Variants in DGKB observed in about 807,000 individuals in gnomAD.
The protein encoded by DGKB is diacylglycerol kinase beta.
DGKB carries 67 observed loss-of-function variants against 114.3 expected under a neutral mutation model. The ratio of observed to expected loss-of-function variants is 0.59; its 90% CI spans 0.48 to 0.72. DGKB has a LOEUF of 0.72. Ranked by LOEUF, DGKB falls within the 30% of genes least tolerant of loss-of-function variation. DGKB has a pLI of 0.00. For synonymous variants in DGKB, 398 were observed against 323.1 expected (o/e 1.23, Z -2.49); for missense variants, 907 against 975.2 (o/e 0.93, Z 0.93).
At chr7:14,631,000 G>A (rs1305674306) in intron 13 of DGKB, among the ~76,000 whole-genome samples, 1 of 151,230 alleles carries the variant, frequency 6.6e-6, no homozygotes, top group Non-Finnish European at 1.5e-5. Context: ...TGGATAATTA[G>A]TTGACAAATC....
chr7:14,840,699 AACACACACACACACACACACAC>A (rs57577998), intron 2 of DGKB, among the ~76,000 whole-genome samples: 2 of 130,188 alleles, frequency 1.5e-5, no homozygotes, highest in African/African-American at 2.7e-5. Flanking sequence ...ACTCTCTTTT[AACACACACACACACACACACAC>A]ACACACACAC....
upstream of DGKB, among the ~76,000 whole-genome samples, chr7:14,907,574 C>A (rs375224053): frequency 6.6e-6 from 1 of 152,190 alleles, no homozygotes; most frequent in African/African-American, 2.4e-5. Flanking sequence ...CACATGTGCA[C>A]AGGGGTAATG....
intron 20 of DGKB, among the ~76,000 whole-genome samples, chr7:14,568,632 C>T (rs1323629634): frequency 1.3e-5 from 2 of 152,284 alleles, no homozygotes; most frequent in South Asian, 2.1e-4. Flanking sequence ...TGACCTGTCA[C>T]GTGAGGAAAA....
chr7:14,303,841 T>C (rs73263910), intron 23 of DGKB, among the ~76,000 whole-genome samples: 4,666 of 152,202 alleles, frequency 0.031, 232 homozygotes, highest in African/African-American at 0.11. Context: ...TGAGTTTTCA[T>C]GCACTTTGCT....
intron 24 of DGKB, among the ~76,000 whole-genome samples, chr7:14,177,802 C>A (rs930533407): frequency 2.0e-5 from 3 of 151,956 alleles, no homozygotes; most frequent in Non-Finnish European, 4.4e-5. Context: ...ATCAATATGT[C>A]CATGGTAGTC....
chr7:14,377,813 G>T (rs1419072476), intron 21 of DGKB, among the ~76,000 whole-genome samples: 2 of 152,126 alleles, frequency 1.3e-5, no homozygotes, highest in Non-Finnish European at 1.5e-5. Flanking sequence ...CCAGTTTCCA[G>T]TTCCCAGGGT....
intron 20 of DGKB, among the ~76,000 whole-genome samples, chr7:14,553,939 C>A (rs1353121668): frequency 8.4e-6 from 1 of 119,088 alleles, no homozygotes; most frequent in Admixed American, 1.2e-4. Context: ...GTGGCGGGAT[C>A]TCGGCTCACT....
chr7:14,906,402 A>G (rs1265707538), upstream of DGKB, among the ~76,000 whole-genome samples: 1 of 151,620 alleles, frequency 6.6e-6, no homozygotes, highest in Non-Finnish European at 1.5e-5. Flanking sequence ...AAGTATCAGA[A>G]GTTATTGACA....
At chr7:14,544,673 C>T (rs1486392099) in intron 20 of DGKB, among the ~76,000 whole-genome samples, 1 of 152,024 alleles carries the variant, frequency 6.6e-6, no homozygotes, top group Non-Finnish European at 1.5e-5. Context: ...TTATATTAGT[C>T]ACATTTATAA....
At chr7:14,336,392 AG>A (rs1252752567) in intron 23 of DGKB, among the ~76,000 whole-genome samples, 1 of 152,206 alleles carries the variant, frequency 6.6e-6, no homozygotes, top group Non-Finnish European at 1.5e-5. Context: ...ACTATAAGCT[AG>A]TCAGTTAAGT....
At chr7:14,219,766 T>A (rs1334984550) in intron 23 of DGKB, among the ~76,000 whole-genome samples, 1 of 151,804 alleles carries the variant, frequency 6.6e-6, no homozygotes, top group Admixed American at 6.6e-5. Flanking sequence ...AATGCAAGTT[T>A]TAAATTTTGA....
chr7:14,155,055 A>G (rs1782798672), intron 25 of DGKB, among the ~76,000 whole-genome samples: 1 of 152,054 alleles, frequency 6.6e-6, no homozygotes, highest in African/African-American at 2.4e-5. Context: ...CTGCTTTCGA[A>G]CAAGAACGCC....
chr7:14,309,473 T>C (rs1166314828), intron 23 of DGKB, among the ~76,000 whole-genome samples: 1 of 152,172 alleles, frequency 6.6e-6, no homozygotes, highest in Non-Finnish European at 1.5e-5. Context: ...AATCTAATCA[T>C]AAAAGCAGCA....
intron 23 of DGKB, among the ~76,000 whole-genome samples, chr7:14,204,632 A>T (rs898353548): frequency 7.9e-5 from 12 of 152,042 alleles, no homozygotes; most frequent in Admixed American, 4.6e-4. Context: ...TGCCCATGAG[A>T]ACTAAAAGGT....
chr7:14,558,021 T>G (rs1022656957), intron 20 of DGKB, among the ~76,000 whole-genome samples: 7 of 151,416 alleles, frequency 4.6e-5, no homozygotes, highest in Non-Finnish European at 1.0e-4. Context: ...TTTCAAGAAA[T>G]TCTTTCTAGA....
rs573652066 is a variant in DGKB at position 14,478,465 on chromosome 7, TC to T, written c.1771-241del. On this transcript the variant is annotated intron_variant, in intron 20 of 25. Transcript: ENST00000402815. Reference sequence around the variant, plus strand: ...CAATTGATTATTTGTTACATTTACATCTAAGACTTTATTGCTATTTAATTTC... The same window carrying T: ...CAATTGATTATTTGTTACATTTACATTAAGACTTTATTGCTATTTAATTTC... Among the ~76,000 whole-genome samples the T allele has an allele frequency of 1.2e-3, 186 of 152,266 alleles. 2 individuals are homozygous for T. Among genetic ancestry groups the T allele is most frequent in the South Asian group, 2.1e-3 (10 of 4,830 alleles).
rs889794208 is a variant in DGKB, at chr7:14,378,409, G to A, written c.1836-33018C>T. On this transcript the variant is annotated intron_variant, in intron 21 of 25. Transcript: ENST00000402815. ...AAAGTGTATCATGATTATGTAAGAT[G>A]CTAACTTTAGGGAAAAGTAGATAAA... Among the ~76,000 whole-genome samples, 3 of 152,140 alleles carry A rather than the reference G, an allele frequency of 2.0e-5. No individual in the cohort carries two copies. The East Asian group carries it at 5.8e-4, about 29-fold the overall frequency.
intron 1 of DGKB, among the ~76,000 whole-genome samples, chr7:14,854,759 G>T (rs1264342357): frequency 6.6e-6 from 1 of 152,122 alleles, no homozygotes; most frequent in Non-Finnish European, 1.5e-5. Context: ...AACTGAAAGA[G>T]GGGTTGTTAG....
intron 5 of DGKB, among the ~76,000 whole-genome samples, chr7:14,721,747 T>C (rs34702306): frequency 0.16 from 24,097 of 152,088 alleles, 2,587 homozygotes; most frequent in South Asian, 0.38. Context: ...GTAAAATATA[T>C]ATTTTTGGAA....
Sources: gnomAD v4.1 joint callset for allele counts (sites outside exome capture counted in the v4.1 genomes callset) on GRCh38, gnomAD v4.1.1 for gene constraint, MANE v1.5 for transcripts, NCBI Gene and HGNC (gene_info 2026-07-23, HGNC 2026-07-21) for gene names.